The following ADRA1A variants were observed in gnomAD, a reference collection of about 807,000 sequenced individuals.
ADRA1A encodes adrenoceptor alpha 1A.
A neutral mutation model predicts 29.6 loss-of-function variants in ADRA1A; 31 were observed. The ratio of observed to expected loss-of-function variants is 1.05; its 90% CI spans 0.79 to 1.41. The LOEUF is 1.41. Among genes scored for constraint, ADRA1A ranks in the 40% most tolerant of loss-of-function variants. The pLI is 0.00. For missense variants in ADRA1A, 619 were observed against 601.1 expected (o/e 1.03, Z -0.31); for synonymous variants, 311 against 254.3 (o/e 1.22, Z -2.12).
intron 2 of ADRA1A, among the ~76,000 whole-genome samples, chr8:26,843,172 C>A (rs1193310086): frequency 6.6e-6 from 1 of 152,178 alleles, no homozygotes; most frequent in Non-Finnish European, 1.5e-5. Flanking sequence ...CCAGATTAGA[C>A]TTGAAGAAAG....
At chr8:26,772,543 A>C (rs1353842520) in intron 2 of ADRA1A, among the ~76,000 whole-genome samples, 1 of 152,126 alleles carries the variant, frequency 6.6e-6, no homozygotes, top group African/African-American at 2.4e-5. Flanking sequence ...CTGAAAAAGG[A>C]GTATGTTGAA....
In ADRA1A at chr8:26,866,239, G is replaced by C. The variant is rs61757017; in HGVS notation, c.-686-584C>G. On this transcript the variant is annotated intron_variant, in intron 1 of 2. Transcript: ENST00000380573. The surrounding 1 kb of genome is among the most constrained non-coding windows in gnomAD (Gnocchi z 5.7). ...CTGTCCACCAGCCAAGCTGGCTTGA[G>C]AGCCAGGTCCCGAGCGAAGCCGGGA... is the stretch of plus-strand genomic sequence containing the variant. 4.6e-5 allele frequency among the ~76,000 whole-genome samples: 7 copies of C among 152,192 alleles called. No individual in the cohort carries two copies. Among genetic ancestry groups the C allele is most frequent in the Non-Finnish European group, 1.0e-4 (7 of 68,026 alleles).
intron 2 of ADRA1A, among the ~76,000 whole-genome samples, chr8:26,757,517 C>CT (rs530168122): frequency 6.7e-6 from 1 of 150,204 alleles, no homozygotes; most frequent in Non-Finnish European, 1.5e-5. Context: ...CCATTTCCCC[C>CT]ACCCCCCACC....
At chr8:26,802,866 T>TATGG (rs1808688293) in intron 2 of ADRA1A, among the ~76,000 whole-genome samples, 1 of 152,144 alleles carries the variant, frequency 6.6e-6, no homozygotes, top group African/African-American at 2.4e-5. Flanking sequence ...ATGTGGTACA[T>TATGG]ATACACAATG....
At chr8:26,863,989 A>G (rs575235253) in intron 2 of ADRA1A, 98 bp downstream of exon 2, 3 of 1,294,548 alleles carry the variant, frequency 2.3e-6, no homozygotes, top group Non-Finnish European at 3.2e-6. Flanking sequence ...TGAAATGCTA[A>G]TCCTTCCTCT....
chr8:26,765,918 A>G (rs1274146915), downstream of ADRA1A: 3 of 1,469,202 alleles, frequency 2.0e-6, no homozygotes. Context: ...GGTCTTAACC[A>G]TGAAACCTAC....
chr8:26,748,430 T>G, exon 3 of ADRA1A: 1 of 186,910 alleles, frequency 5.4e-6, no homozygotes, highest in Non-Finnish European at 1.1e-5. Flanking sequence ...GATTGCACTG[T>G]TAAAAAAGAT....
At chr8:26,779,362 C>T (rs1714236088) in intron 2 of ADRA1A, 1 of 702,762 alleles carries the variant, frequency 1.4e-6, no homozygotes, top group Non-Finnish European at 2.6e-6. Flanking sequence ...CCCAGCACTG[C>T]TGCATGGTGA....
At chr8:26,756,854 A>T in intron 2 of ADRA1A, 1 of 1,568,850 alleles carries the variant, frequency 6.4e-7, no homozygotes. Context: ...CATCAATGTG[A>T]TCACAATTTT....
rs376202702 is a variant in ADRA1A at position 26,771,536 on chromosome 8, C to T, written c.884-870G>A. Among the ~76,000 whole-genome samples the T allele has an allele frequency of 2.6e-5, 4 of 152,394 alleles. No individual in the cohort carries two copies. In the South Asian group the frequency reaches 8.3e-4, roughly 32 times the overall value. Reference sequence around the variant, plus strand: ...AGGAACCAGGCCTCAGGACCCGTCACATCCTGCGCAGAGACTGCCACAGGG... The same window carrying T: ...AGGAACCAGGCCTCAGGACCCGTCATATCCTGCGCAGAGACTGCCACAGGG... On this transcript the variant is annotated intron_variant, in intron 2 of 2. Transcript: ENST00000380573.
chr8:26,778,283 T>A (rs1397940342), intron 2 of ADRA1A, among the ~76,000 whole-genome samples: 1 of 152,204 alleles, frequency 6.6e-6, no homozygotes, highest in Non-Finnish European at 1.5e-5. Context: ...GAAGACCTCC[T>A]TGTGTCCAAT....
chr8:26,843,441 T>C (rs1262892470), intron 2 of ADRA1A, among the ~76,000 whole-genome samples: 2 of 152,180 alleles, frequency 1.3e-5, no homozygotes, highest in Non-Finnish European at 2.9e-5. Context: ...ACTTCTTCCC[T>C]TTGTCCAGTA....
chr8:26,757,785 G>C (rs1805272242), intron 2 of ADRA1A, among the ~76,000 whole-genome samples: 1 of 152,042 alleles, frequency 6.6e-6, no homozygotes, highest in African/African-American at 2.4e-5. Flanking sequence ...TCTTAGTTTT[G>C]CTTCAAATGC....
rs142738188 is a variant in ADRA1A, at chr8:26,833,972, T to C, written c.883+30115A>G. On this transcript the variant is annotated intron_variant, in intron 2 of 2. Transcript: ENST00000380573. ...GGAGGAGGAGCAGAGTTAGTAAACA[T>C]TGATAATTTTTGTATGTCTGGATAA... Among the ~76,000 whole-genome samples, 510 of 152,332 alleles carry C rather than the reference T, an allele frequency of 3.3e-3. 3 individuals are homozygous for C. The highest frequency in any genetic ancestry group is 9.6e-3 in the African/African-American group (401 of 41,576).
At chr8:26,779,860 C>T (rs1209048202) in intron 2 of ADRA1A, among the ~76,000 whole-genome samples, 9 of 152,092 alleles carry the variant, frequency 5.9e-5, no homozygotes, top group Non-Finnish European at 8.8e-5. Context: ...TAATAATACA[C>T]GGGCCACACA....
rs1400402295 is a variant in ADRA1A at position 26,823,156 on chromosome 8, G to A, written c.883+40931C>T. Among the ~76,000 whole-genome samples the A allele has an allele frequency of 6.6e-6, 1 of 152,116 alleles. No homozygotes were observed. The highest frequency in any genetic ancestry group is 1.5e-5 in the Non-Finnish European group (1 of 67,990). ...TTAACAGAAGAACAAACACCAGCAA[G>A]AAATGAACAAAAAATGGGGGAGGGC... On this transcript the variant is annotated intron_variant, in intron 2 of 2. Coordinates refer to ENST00000380573, the MANE Select transcript of ADRA1A (RefSeq NM_000680.4). The surrounding 1 kb of genome is among the most constrained non-coding windows in gnomAD (Gnocchi z 4.2).
At chr8:26,758,414 T>C (rs528857991) in intron 2 of ADRA1A, among the ~76,000 whole-genome samples, 55 of 152,336 alleles carry the variant, frequency 3.6e-4, no homozygotes, top group African/African-American at 1.3e-3. Flanking sequence ...AGTTGTGTCT[T>C]ATTCAGATGG....
rs377162397 is a variant in ADRA1A, at chr8:26,775,972, C to T, written c.884-5306G>A. Among the ~76,000 whole-genome samples the T allele has an allele frequency of 1.3e-4, 20 of 152,266 alleles. No homozygotes were observed. The South Asian group carries it at 4.2e-3, about 32-fold the overall frequency. ...TGCTATATCCATTGGGAAAATCTGA[C>T]TTCATTTTTGAACTGGGGCTCATCT... On this transcript the variant is annotated intron_variant, in intron 2 of 2. Transcript: ENST00000380573. This position sits in a 1 kb window ranked among gnomAD's most constrained non-coding sequence, Gnocchi z 4.1.
chr8:26,806,041 G>A lies in ADRA1A; in HGVS notation c.884-35375C>T, dbSNP rs75155817. Among the ~76,000 whole-genome samples the A allele has an allele frequency of 1.5e-3, 226 of 152,242 alleles. 3 individuals are homozygous for A. In the East Asian group the frequency reaches 0.04, roughly 27 times the overall value. On this transcript the variant is annotated intron_variant, in intron 2 of 2. Coordinates refer to ENST00000380573, the MANE Select transcript of ADRA1A (RefSeq NM_000680.4). The surrounding 1 kb of genome is among the most constrained non-coding windows in gnomAD (Gnocchi z 4.6). The stretch of plus-strand genomic sequence containing the variant: ...TTCCCTGAGGCCACTTGTGGCAGCC[G>A]CCAATGTGCTTGCTCTTCCTATTTT...
Sources: allele counts gnomAD v4.1 joint callset (sites outside exome capture counted in the v4.1 genomes callset), GRCh38; gene constraint gnomAD v4.1.1; non-coding constraint Gnocchi (gnomAD v3.1); transcripts MANE v1.5; gene names NCBI Gene and HGNC (gene_info 2026-07-23, HGNC 2026-07-21).